TNRC18: variants seen among roughly 807,000 people sequenced by gnomAD.
TNRC18 encodes trinucleotide repeat containing 18, also known as trinucleotide repeat-containing gene 18 protein.
A neutral mutation model predicts 226.7 loss-of-function variants in TNRC18; 69 were observed. The observed-to-expected ratio is 0.30, with a 90% confidence interval of 0.25 to 0.37. TNRC18 has a LOEUF of 0.37. TNRC18 is among the 10% of genes least tolerant of loss of function. TNRC18 has a pLI of 1.00. For synonymous variants in TNRC18, 2,449 were observed against 1,927.6 expected (o/e 1.27, Z -7.09); for missense variants, 4,754 against 4,256.6 (o/e 1.12, Z -3.25).
rs554343182 is a variant in TNRC18 at position 5,402,619 on chromosome 7, C to G, written c.188-8024G>C. ...CTGTAATCCCAGCACTTTGGGAGGC[C>G]GAGGCAGGCAGATCACCTGAGGTCA... On this transcript the variant is annotated intron_variant, in intron 2 of 29. Coordinates refer to ENST00000430969, the MANE Select transcript of TNRC18 (RefSeq NM_001080495.3). Among the ~76,000 whole-genome samples the G allele has an allele frequency of 2.0e-4, 31 of 152,124 alleles. No individual in the cohort carries two copies. In the South Asian group the frequency reaches 6.2e-3, roughly 31 times the overall value.
At chr7:5,336,934 G>C (rs1030124713) in intron 18 of TNRC18, among the ~76,000 whole-genome samples, 11 of 152,166 alleles carry the variant, frequency 7.2e-5, no homozygotes, top group African/African-American at 2.7e-4. Flanking sequence ...AACAGGAAAA[G>C]AAAGAACAAG....
intron 5 of TNRC18, among the ~76,000 whole-genome samples, chr7:5,384,259 C>G (rs1779601747): frequency 6.6e-6 from 1 of 152,094 alleles, no homozygotes; most frequent in Non-Finnish European, 1.5e-5. Context: ...TGAGCCACCA[C>G]GCCCAACCTA....
chr7:5,344,468 C>T (rs542850013), intron 18 of TNRC18, among the ~76,000 whole-genome samples: 4 of 152,094 alleles, frequency 2.6e-5, no homozygotes, highest in African/African-American at 9.6e-5. Context: ...GGCATGAGAG[C>T]GAGGAGGGGG....
intron 19 of TNRC18, among the ~76,000 whole-genome samples, chr7:5,328,410 G>C (rs1035436128): frequency 6.6e-6 from 1 of 151,972 alleles, no homozygotes; most frequent in African/African-American, 2.4e-5. Context: ...GTATACACCT[G>C]TAATCCCAGC....
At position 5,388,387 on chromosome 7, in the gene TNRC18, G is replaced by T; in HGVS notation, c.1437C>A (p.Pro479=). The T allele has an allele frequency of 6.6e-7, 1 of 1,524,992 alleles. No homozygotes were observed. The allele number at this position is 1,524,992 out of a possible 1,614,324, so 94.5% of individuals were successfully genotyped here. A position where few individuals can be genotyped will look rare whatever the true frequency, so the allele number is the denominator to read the frequency against. Residue 479 remains proline, a synonymous_variant, in exon 5 of 30, where the codon CCC becomes CCA. Coordinates refer to ENST00000430969, the MANE Select transcript of TNRC18 (RefSeq NM_001080495.3). The part of the protein sequence containing the change: ...EADPRPCERA[P]RGPAGPAAQQ... ...GGGCTGCAGGACCGGCTGGGCCGCG[G>T]GGCGCACGCTCGCAGGGCCTCGGGT...
At chr7:5,337,962 G>A (rs963126339) in intron 18 of TNRC18, among the ~76,000 whole-genome samples, 2 of 151,942 alleles carry the variant, frequency 1.3e-5, no homozygotes, top group Admixed American at 1.3e-4. Context: ...CAGCCTGGGC[G>A]ACAGAGTGAG....
In TNRC18 at chr7:5,376,933, C is replaced by G; in HGVS notation, c.2522G>C (p.Gly841Ala). The stretch of plus-strand genomic sequence containing the variant: ...AAACTGGTAGGCTGACGGGAGGGAG[C>G]CCCCCAGGCCAGGTGGGAACGCAGG... ...MAPAFPPGLG[G>A]SLPSAYQFVR... The change falls in exon 8 of 30, where the codon GGC becomes GCC. Residue 841 changes from glycine (G) to alanine (A), a missense_variant. Transcript: ENST00000430969. 2.5e-6 allele frequency: 4 copies of G among 1,597,936 alleles called. No homozygotes were observed. Among genetic ancestry groups the G allele is most frequent in the Non-Finnish European group, 2.6e-6 (3 of 1,172,664 alleles).
At chr7:5,340,650 G>A (rs1399932427) in intron 18 of TNRC18, among the ~76,000 whole-genome samples, 1 of 151,572 alleles carries the variant, frequency 6.6e-6, no homozygotes, top group African/African-American at 2.4e-5. Context: ...GGCTGAGGCA[G>A]GAGAATCACT....
chr7:5,408,619 G>A (rs2128216604), intron 2 of TNRC18, among the ~76,000 whole-genome samples: 1 of 152,240 alleles, frequency 6.6e-6, no homozygotes, highest in South Asian at 2.1e-4. Flanking sequence ...TCCAGCCTGA[G>A]TGACAGAATG....
rs192294799 is a variant in TNRC18, at chr7:5,385,774, G to A, written c.2152+1898C>T. Among the ~76,000 whole-genome samples, 593 of 151,536 alleles carry A rather than the reference G, an allele frequency of 3.9e-3. 3 individuals carry two copies. The highest frequency in any genetic ancestry group is 0.014 in the African/African-American group (571 of 41,376). On this transcript the variant is annotated intron_variant, in intron 5 of 29. Coordinates refer to ENST00000430969, the MANE Select transcript of TNRC18 (RefSeq NM_001080495.3). ...GGATCAACTGCGGCCAGGAGTTTGA[G>A]ACCAGCCTGGCCAACACAGTGAAAC...
intron 11 of TNRC18, among the ~76,000 whole-genome samples, chr7:5,369,179 C>G (rs1352819693): frequency 6.6e-6 from 1 of 152,136 alleles, no homozygotes; most frequent in Non-Finnish European, 1.5e-5. Flanking sequence ...AAAACCCCAT[C>G]TCTACTAAAA....
At chr7:5,385,316 G>A (rs1437223047) in intron 5 of TNRC18, among the ~76,000 whole-genome samples, 6 of 151,944 alleles carry the variant, frequency 3.9e-5, no homozygotes, top group East Asian at 1.9e-4. Context: ...GTGAAACCCC[G>A]TCTCTACTAA....
chr7:5,371,386 G>C, intron 10 of TNRC18, 22 bp from the exon 11 acceptor site: 1 of 1,492,940 alleles, frequency 6.7e-7, no homozygotes, highest in Non-Finnish European at 8.9e-7. Flanking sequence ...ACAGGGGTCA[G>C]CATGGGAGCC....
rs942406519 is a variant in TNRC18 at position 5,405,680 on chromosome 7, T to C, written c.188-11085A>G. 2.6e-5 allele frequency among the ~76,000 whole-genome samples: 4 copies of C among 151,078 alleles called. No homozygotes were observed. The East Asian group carries it at 7.8e-4, about 29-fold the overall frequency. ...ATCACGTGAACCCAGGAGGGGGAGG[T>C]TGCAATGAGCCGAGATCATACCACT... On this transcript the variant is annotated intron_variant, in intron 2 of 29. Coordinates refer to ENST00000430969, the MANE Select transcript of TNRC18 (RefSeq NM_001080495.3).
intron 2 of TNRC18, among the ~76,000 whole-genome samples, chr7:5,414,557 C>T: frequency 6.6e-6 from 1 of 152,008 alleles, no homozygotes; most frequent in East Asian, 1.9e-4. Context: ...GGACTGCAGG[C>T]ACCCGCCACC....
At chr7:5,321,268 G>C in intron 21 of TNRC18, 78 bp from the exon 22 acceptor site, 2 of 1,091,710 alleles carry the variant, frequency 1.8e-6, no homozygotes, top group Admixed American at 4.2e-5. Flanking sequence ...TTACCCCCAA[G>C]TCATCCCCTT....
chr7:5,315,869 G>T, intron 25 of TNRC18, 87 bp downstream of exon 25: 1 of 1,014,326 alleles, frequency 9.9e-7, no homozygotes, highest in Non-Finnish European at 1.4e-6. Context: ...AATGACTTCA[G>T]ACAGAGCTCA....
rs1311238809 is a variant in TNRC18 at position 5,312,935 on chromosome 7, GGAGGAGGAA to G, written c.7947_7955del (p.Ser2669_Ser2671del). 29 of 1,450,306 alleles carry G rather than the reference GGAGGAGGAA, an allele frequency of 2.0e-5. No individual in the cohort carries two copies. The highest frequency in any genetic ancestry group is 4.9e-5 in the East Asian group (2 of 40,556). The allele number at this position is 1,450,306 out of a possible 1,614,324, so 89.8% of individuals were successfully genotyped here. Reference sequence around the variant, plus strand: ...AGGAGGATGAGGACGAGGAAGAGGAGGAGGAGGAAGAGGAGGAAGACGAAGAGGAAGAGG... The same window carrying G: ...AGGAGGATGAGGACGAGGAAGAGGAGGAGGAGGAAGACGAAGAGGAAGAGG... On this transcript the variant is annotated inframe_deletion, in exon 27 of 30. Coordinates refer to ENST00000430969, the MANE Select transcript of TNRC18 (RefSeq NM_001080495.3). This position sits in a 1 kb window ranked among gnomAD's most constrained non-coding sequence, Gnocchi z 6.3.
intron 2 of TNRC18, among the ~76,000 whole-genome samples, chr7:5,406,114 A>G (rs1333705627): frequency 6.6e-6 from 1 of 152,220 alleles, no homozygotes; most frequent in Non-Finnish European, 1.5e-5. Flanking sequence ...TACATTCCAC[A>G]ACAACGTGGA....
Sources: allele counts gnomAD v4.1 joint callset (sites outside exome capture counted in the v4.1 genomes callset), GRCh38; gene constraint gnomAD v4.1.1; non-coding constraint Gnocchi (gnomAD v3.1); transcripts MANE v1.5; gene names NCBI Gene and HGNC (gene_info 2026-07-23, HGNC 2026-07-21).